The following PDZD2 variants were observed in gnomAD, a reference collection of about 807,000 sequenced individuals.
The protein encoded by PDZD2 is PDZ domain containing 2, also known as PDZ domain-containing protein 2.
A neutral mutation model predicts 220.7 loss-of-function variants in PDZD2; 90 were observed. That is an observed-to-expected ratio of 0.41 (90% CI 0.34 to 0.49). The LOEUF is 0.49. Ranked by LOEUF, PDZD2 falls within the 20% of genes least tolerant of loss-of-function variation. PDZD2 has a pLI of 0.28. For synonymous variants in PDZD2, 1,375 were observed against 1,450.5 expected (o/e 0.95, Z 1.18); for missense variants, 3,174 against 3,608.5 (o/e 0.88, Z 3.08).
chr5:31,989,841 T>G (rs1353529689), intron 3 of PDZD2, among the ~76,000 whole-genome samples: 2 of 152,224 alleles, frequency 1.3e-5, no homozygotes, highest in Non-Finnish European at 2.9e-5. Context: ...GTTTCCCGTC[T>G]TAGCTCAGTG....
intron 2 of PDZD2, among the ~76,000 whole-genome samples, chr5:31,852,271 T>G (rs948683757): frequency 2.0e-5 from 3 of 152,062 alleles, no homozygotes; most frequent in Non-Finnish European, 1.5e-5. Flanking sequence ...ACATTTATTT[T>G]TATTATTTAT....
At chr5:32,070,204 G>A in intron 15 of PDZD2, among the ~76,000 whole-genome samples, 1 of 152,060 alleles carries the variant, frequency 6.6e-6, no homozygotes. Context: ...AAGCCTAAAG[G>A]GACTCTTCAC....
Position 32,087,263 on chromosome 5 carries a change from G to A in PDZD2, c.3815G>A (p.Arg1272Lys). ...AATCCCAGCCAGCCTGCATCGCCCA[G>A]GGTCACCAAGTGCAAGGCCAGGTCT... ...PENPSQPASP[R>K]VTKCKARSPV... is the part of the protein sequence containing the mutation. The change falls in exon 20 of 25, where the codon AGG becomes AAG. Residue 1272 changes from arginine to lysine, a missense_variant. Coordinates refer to ENST00000438447, the MANE Select transcript of PDZD2 (RefSeq NM_178140.4). The surrounding 1 kb of genome is among the most constrained non-coding windows in gnomAD (Gnocchi z 4.0). The A allele has an allele frequency of 1.2e-6, 2 of 1,614,174 alleles. No homozygotes were observed. The highest frequency in any genetic ancestry group is 1.7e-6 in the Non-Finnish European group (2 of 1,180,010).
At chr5:31,748,294 G>A (rs902496600) in intron 1 of PDZD2, among the ~76,000 whole-genome samples, 3 of 152,170 alleles carry the variant, frequency 2.0e-5, no homozygotes, top group Non-Finnish European at 4.4e-5. Flanking sequence ...AGATGAGAGC[G>A]TTGGAGTCAG....
chr5:31,829,782 G>C (rs966939418), intron 2 of PDZD2, among the ~76,000 whole-genome samples: 5 of 152,070 alleles, frequency 3.3e-5, no homozygotes, highest in Non-Finnish European at 7.4e-5. Context: ...GCTGGGTGTG[G>C]TGGCTCATGC....
At chr5:31,763,870 T>TTTAAAAA (rs1401600794) in intron 1 of PDZD2, among the ~76,000 whole-genome samples, 1 of 137,536 alleles carries the variant, frequency 7.3e-6, no homozygotes, top group African/African-American at 2.7e-5. Flanking sequence ...GCCCTCTGAT[T>TTTAAAAA]AAAAAAAAAA....
intron 18 of PDZD2, among the ~76,000 whole-genome samples, chr5:32,076,645 T>C (rs1384270702): frequency 6.6e-6 from 1 of 152,230 alleles, no homozygotes; most frequent in Admixed American, 6.5e-5. Context: ...TCATATAACA[T>C]GAAATTAACC....
At chr5:31,973,459 A>T (rs893131174) in intron 2 of PDZD2, among the ~76,000 whole-genome samples, 1 of 152,186 alleles carries the variant, frequency 6.6e-6, no homozygotes, top group Non-Finnish European at 1.5e-5. Flanking sequence ...CCTTAAATCT[A>T]GGAGCTCTTA....
chr5:31,732,191 C>T (rs1332040317), intron 1 of PDZD2, among the ~76,000 whole-genome samples: 2 of 152,140 alleles, frequency 1.3e-5, no homozygotes, highest in Non-Finnish European at 2.9e-5. Flanking sequence ...CCTAGTTCTG[C>T]CCTACAGAGA....
Position 32,088,776 on chromosome 5 carries a change from C to T in PDZD2, c.5328C>T (p.His1776=). 1 of 1,613,966 alleles carries T rather than the reference C, an allele frequency of 6.2e-7. No homozygotes were observed. Among genetic ancestry groups the T allele is most frequent in the Non-Finnish European group, 8.5e-7 (1 of 1,179,834 alleles). The change falls in exon 20 of 25, where the codon CAC becomes CAT. Residue 1776 remains histidine (H), a synonymous_variant. Coordinates refer to ENST00000438447, the MANE Select transcript of PDZD2 (RefSeq NM_178140.4). This position sits in a 1 kb window ranked among gnomAD's most constrained non-coding sequence, Gnocchi z 4.6. ...GAGAATCTGTTTTGGAAAACCTCCACATCTCTGAAAGTCAAGACCTGGATG... is the reference window on the plus strand; with the variant it reads ...GAGAATCTGTTTTGGAAAACCTCCATATCTCTGAAAGTCAAGACCTGGATG... The part of the protein sequence containing the change: ...KNGESVLENL[H]ISESQDLDDL...
At chr5:31,713,841 A>C (rs1000837691) in intron 1 of PDZD2, among the ~76,000 whole-genome samples, 3 of 152,172 alleles carry the variant, frequency 2.0e-5, no homozygotes, top group African/African-American at 7.2e-5. Flanking sequence ...GCCACCACGC[A>C]TGGCCACTCC....
intron 3 of PDZD2, among the ~76,000 whole-genome samples, chr5:31,991,399 C>T (rs575053223): frequency 1.3e-5 from 2 of 152,220 alleles, no homozygotes; most frequent in East Asian, 3.9e-4. Flanking sequence ...ACAGATGGTG[C>T]TCGTGGTTCA....
chr5:31,903,529 C>T (rs528587454), intron 2 of PDZD2, among the ~76,000 whole-genome samples: 3 of 150,178 alleles, frequency 2.0e-5, no homozygotes, highest in South Asian at 2.1e-4. Flanking sequence ...ATGCCTGTAG[C>T]CCCAGCTACC....
intron 2 of PDZD2, among the ~76,000 whole-genome samples, chr5:31,812,290 T>G (rs1050128133): frequency 1.3e-5 from 2 of 152,070 alleles, no homozygotes; most frequent in Non-Finnish European, 2.9e-5. Flanking sequence ...CCCAAGAAAT[T>G]TTTTATCTTT....
chr5:31,921,970 A>G (rs1040812770), intron 2 of PDZD2, among the ~76,000 whole-genome samples: 2 of 152,182 alleles, frequency 1.3e-5, no homozygotes, highest in African/African-American at 4.8e-5. Flanking sequence ...GCATTGTTAC[A>G]GGCCAGCCAG....
At chr5:31,928,381 T>C (rs774994317) in intron 2 of PDZD2, among the ~76,000 whole-genome samples, 4 of 152,194 alleles carry the variant, frequency 2.6e-5, no homozygotes, top group Non-Finnish European at 5.9e-5. Context: ...TTAAGGAGCA[T>C]TCTTTCATAG....
chr5:31,956,934 A>C (rs1293364883), intron 2 of PDZD2, among the ~76,000 whole-genome samples: 8 of 152,136 alleles, frequency 5.3e-5, no homozygotes, highest in Non-Finnish European at 1.2e-4. Flanking sequence ...TCTGTCACCC[A>C]GGCTAAAGTG....
chr5:31,717,529 C>CT (rs1748525386), intron 1 of PDZD2, among the ~76,000 whole-genome samples: 1 of 152,170 alleles, frequency 6.6e-6, no homozygotes, highest in Non-Finnish European at 1.5e-5. Flanking sequence ...TAGCACCTCG[C>CT]TTGTCCCTGC....
chr5:31,739,180 C>T (rs186472426), intron 1 of PDZD2, among the ~76,000 whole-genome samples: 28 of 152,250 alleles, frequency 1.8e-4, no homozygotes, highest in South Asian at 1.2e-3. Context: ...GCCACCACAC[C>T]GGGCCAAATA....
Sources: gnomAD v4.1 joint callset for allele counts (sites outside exome capture counted in the v4.1 genomes callset) on GRCh38, gnomAD v4.1.1 for gene constraint, Gnocchi (gnomAD v3.1) non-coding constraint, MANE v1.5 for transcripts, NCBI Gene and HGNC (gene_info 2026-07-23, HGNC 2026-07-21) for gene names.